Variants in LRRK1 observed in about 807,000 individuals in gnomAD.
LRRK1 encodes the protein leucine-rich repeat serine/threonine-protein kinase 1.
In LRRK1, 113 loss-of-function variants were observed where a neutral mutation model predicts 209.1. The ratio of observed to expected loss-of-function variants is 0.54; its 90% confidence interval spans 0.46 to 0.63. The LOEUF is 0.63. Ranked by LOEUF, LRRK1 falls within the 30% of genes least tolerant of loss-of-function variation. The pLI is 0.00. For synonymous variants in LRRK1, 1,144 were observed against 1,099.7 expected, an observed-to-expected ratio of 1.04 and a Z score of -0.80; for missense variants, 2,284 against 2,632.2, an observed-to-expected ratio of 0.87 and a Z score of 2.89.
intron 9 of LRRK1, among the ~76,000 whole-genome samples, chr15:101,011,523 T>C (rs1049821634): frequency 6.6e-6 from 1 of 151,584 alleles, no homozygotes; most frequent in Non-Finnish European, 1.5e-5. Context: ...CACTGCTGAT[T>C]AAATGCTGTT....
At chr15:100,981,837 C>T (rs1196611391) in intron 3 of LRRK1, among the ~76,000 whole-genome samples, 2 of 152,274 alleles carry the variant, frequency 1.3e-5, no homozygotes, top group African/African-American at 2.4e-5. Flanking sequence ...CTGGGGGCTC[C>T]ATTTTACCCA....
intron 4 of LRRK1, among the ~76,000 whole-genome samples, chr15:100,984,121 T>C (rs2031744518): frequency 6.6e-6 from 1 of 152,154 alleles, no homozygotes; most frequent in Admixed American, 6.5e-5. Context: ...ATCATGCTAG[T>C]AACTTCTATT....
In LRRK1 at chr15:101,022,399, G is replaced by C; in HGVS notation, c.1869G>C (p.Leu623=). 6.2e-7 allele frequency: 1 copy of C among 1,614,248 alleles called. No homozygotes were observed. Among genetic ancestry groups the C allele is most frequent in the Non-Finnish European group, 8.5e-7 (1 of 1,180,040 alleles). ...TTTGCACAGGCCCCAAAGCAATGCT[G>C]TCTTACCTGCGTGCTCAGCTGCGGA... ...EIQKEGPKAM[L]SYLRAQLRKA... Residue 623 remains leucine, a synonymous_variant, in exon 15 of 34, where the codon CTG becomes CTC. Coordinates refer to ENST00000388948, the MANE Select transcript of LRRK1 (RefSeq NM_024652.6). The surrounding 1 kb of genome is among the most constrained non-coding windows in gnomAD (Gnocchi z 4.0).
intron 6 of LRRK1, among the ~76,000 whole-genome samples, chr15:100,996,010 A>T (rs2032391333): frequency 6.6e-6 from 1 of 152,236 alleles, no homozygotes; most frequent in African/African-American, 2.4e-5. Flanking sequence ...CCAGCTGCAC[A>T]TCCTCAGGGT....
At chr15:100,974,482 G>A (rs921949856) in intron 3 of LRRK1, among the ~76,000 whole-genome samples, 1 of 152,098 alleles carries the variant, frequency 6.6e-6, no homozygotes, top group Non-Finnish European at 1.5e-5. Context: ...TTGCATATAT[G>A]GTGATGCAGC....
chr15:100,922,821 G>T (rs1198747740), intron 1 of LRRK1, among the ~76,000 whole-genome samples: 2 of 129,446 alleles, frequency 1.5e-5, no homozygotes, highest in Non-Finnish European at 3.1e-5. Flanking sequence ...GGTTTGTGTC[G>T]ACCATCCCTT....
At chr15:101,034,088 C>T (rs994851750) in intron 20 of LRRK1, among the ~76,000 whole-genome samples, 4 of 152,162 alleles carry the variant, frequency 2.6e-5, no homozygotes, top group African/African-American at 9.6e-5. Flanking sequence ...CTATTCATGT[C>T]CTTTGCCTTC....
At chr15:100,992,449 T>G (rs569234806) in intron 6 of LRRK1, among the ~76,000 whole-genome samples, 2 of 152,350 alleles carry the variant, frequency 1.3e-5, no homozygotes, top group East Asian at 3.9e-4. Flanking sequence ...TATCTATACT[T>G]ATATTACTCT....
intron 4 of LRRK1, 149 bp downstream of exon 4, chr15:100,983,848 G>C: frequency 1.2e-6 from 1 of 828,142 alleles, no homozygotes; most frequent in Non-Finnish European, 2.1e-6. Context: ...AGTGAAGCTT[G>C]CCTGCCAGCC....
chr15:100,972,174 G>A (rs931209344), intron 2 of LRRK1, among the ~76,000 whole-genome samples: 1 of 151,822 alleles, frequency 6.6e-6, no homozygotes, highest in African/African-American at 2.4e-5. Context: ...TGTTGGCCAG[G>A]CTGGTCTCGA....
Position 101,059,957 on chromosome 15 carries a change from GGCCCT to G in LRRK1, c.4680-1206_4680-1202del, listed in dbSNP as rs144739114. On this transcript the variant is annotated intron_variant, in intron 29 of 33. Transcript: ENST00000388948. ...AGACTGGTCCTGGGAGGCTGGGCCGGGCCCTGCCCTGCTGGCCTAGAGACACACAC... is the reference window on the plus strand; with the variant it reads ...AGACTGGTCCTGGGAGGCTGGGCCGGGCCCTGCTGGCCTAGAGACACACAC... Among the ~76,000 whole-genome samples the G allele has an allele frequency of 8.2e-3, 1,244 of 152,314 alleles. 14 individuals carry two copies. The highest frequency in any genetic ancestry group is 0.034 in the Middle Eastern group (10 of 294).
chr15:101,052,552 C>G (rs749283853), intron 24 of LRRK1, among the ~76,000 whole-genome samples: 1 of 152,208 alleles, frequency 6.6e-6, no homozygotes, highest in East Asian at 1.9e-4. Flanking sequence ...CTATGCTAAC[C>G]CAAGATCATA....
Position 101,069,869 on chromosome 15 carries a change from G to GCATATGCATTACA in LRRK1, c.*1023_*1024insTATGCATTACACA, listed in dbSNP as rs2036723446. On this transcript the variant is annotated 3_prime_UTR_variant, in exon 34 of 34. Transcript: ENST00000388948. The stretch of plus-strand genomic sequence containing the variant: ...CAACAGCAAACATTTTATAAACTAT[G>GCATATGCATTACA]CACATGCATTACACACATGCACACA... 6.6e-6 allele frequency: 1 copy of GCATATGCATTACA among 152,324 alleles called. No individual in the cohort carries two copies. The highest frequency in any genetic ancestry group is 1.5e-5 in the Non-Finnish European group (1 of 68,056). The allele number at this position is 152,324 out of a possible 1,614,324, so 9.4% of individuals were successfully genotyped here.
At chr15:100,937,103 C>T (rs2042312033) in intron 2 of LRRK1, among the ~76,000 whole-genome samples, 1 of 152,120 alleles carries the variant, frequency 6.6e-6, no homozygotes, top group African/African-American at 2.4e-5. Context: ...TGTTCTATTT[C>T]TTCTTGAGTT....
chr15:100,949,589 A>G (rs1036965050), intron 2 of LRRK1, among the ~76,000 whole-genome samples: 6 of 152,318 alleles, frequency 3.9e-5, no homozygotes, highest in Middle Eastern at 3.4e-3. Context: ...ACTACAGACC[A>G]CTACCTCTTT....
chr15:100,981,115 A>G (rs1567213377), intron 3 of LRRK1, among the ~76,000 whole-genome samples: 6 of 152,156 alleles, frequency 3.9e-5, no homozygotes, highest in Non-Finnish European at 4.4e-5. Context: ...TTCCTGTTTT[A>G]TACTTTTCTA....
chr15:101,051,232 G>A (rs141517028), intron 23 of LRRK1, among the ~76,000 whole-genome samples: 30 of 152,380 alleles, frequency 2.0e-4, no homozygotes, highest in African/African-American at 6.3e-4. Flanking sequence ...GGGGAATCCC[G>A]TGTCCGGTGA....
rs938081640 is a variant in LRRK1 at position 101,022,258 on chromosome 15, G to A, written c.1853-125G>A. On this transcript the variant is annotated intron_variant, in intron 14 of 33. Coordinates refer to ENST00000388948, the MANE Select transcript of LRRK1 (RefSeq NM_024652.6). The surrounding 1 kb of genome is among the most constrained non-coding windows in gnomAD (Gnocchi z 4.0). Reference sequence around the variant, plus strand: ...TCATGCCTTCCCTCCCCCTGATCCAGTAGTCTTCCTTAACTGTCCCCACTA... The same window carrying A: ...TCATGCCTTCCCTCCCCCTGATCCAATAGTCTTCCTTAACTGTCCCCACTA... 9 of 942,792 alleles carry A rather than the reference G, an allele frequency of 9.5e-6. No individual in the cohort carries two copies. Among genetic ancestry groups the A allele is most frequent in the African/African-American group, 1.6e-5 (1 of 61,934 alleles). 58.4% of individuals were successfully genotyped at this position (942,792 alleles called of 1,614,324 possible).
intron 24 of LRRK1, among the ~76,000 whole-genome samples, 183 bp downstream of exon 24, chr15:101,052,143 GC>G (rs1210141710): frequency 1.3e-5 from 2 of 152,136 alleles, no homozygotes; most frequent in African/African-American, 4.8e-5. Context: ...GAACCAGGCT[GC>G]CGGCTTTCCA....
Sources: gnomAD v4.1 joint callset for allele counts (sites outside exome capture counted in the v4.1 genomes callset) on GRCh38, gnomAD v4.1.1 for gene constraint, Gnocchi (gnomAD v3.1) non-coding constraint, MANE v1.5 for transcripts, NCBI Gene and HGNC (gene_info 2026-07-23, HGNC 2026-07-21) for gene names.